The following TPH2 variants were observed in gnomAD, a reference collection of about 807,000 sequenced individuals.
TPH2 encodes the protein tryptophan hydroxylase 2.
TPH2 carries 27 observed loss-of-function variants against 59.1 expected under a neutral mutation model. The ratio of observed to expected loss-of-function variants is 0.46; its 90% confidence interval spans 0.34 to 0.63. The LOEUF (loss-of-function observed/expected upper bound fraction) is 0.63. Ranked by LOEUF, TPH2 falls within the 30% of genes least tolerant of loss-of-function variation. TPH2 has a pLI of 0.01. For missense variants in TPH2, 523 were observed against 588.3 expected (o/e 0.89, Z 1.15); for synonymous variants, 220 against 210.5 (o/e 1.05, Z -0.39).
intron 5 of TPH2, among the ~76,000 whole-genome samples, chr12:71,960,891 C>T (rs1035681020): frequency 6.6e-6 from 1 of 152,166 alleles, no homozygotes; most frequent in Non-Finnish European, 1.5e-5. Flanking sequence ...ATCTCCAGAC[C>T]TGTTTCCAAC....
chr12:71,941,161 A>G (rs1396815826), intron 1 of TPH2, among the ~76,000 whole-genome samples: 1 of 152,158 alleles, frequency 6.6e-6, no homozygotes, highest in Non-Finnish European at 1.5e-5. Flanking sequence ...TTATTTTCAA[A>G]AATATGTTTG....
intron 8 of TPH2, among the ~76,000 whole-genome samples, chr12:71,997,429 C>T (rs765987388): frequency 6.6e-6 from 1 of 152,162 alleles, no homozygotes; most frequent in Non-Finnish European, 1.5e-5. Context: ...TCTACTTTTA[C>T]ACTTTCTGGG....
intron 5 of TPH2, among the ~76,000 whole-genome samples, chr12:71,965,701 C>T (rs1336803529): frequency 6.6e-6 from 1 of 152,186 alleles, no homozygotes; most frequent in Non-Finnish European, 1.5e-5. Flanking sequence ...CTTATAGATG[C>T]TGGATATTAG....
At chr12:71,975,073 G>A (rs1355214083) in intron 6 of TPH2, among the ~76,000 whole-genome samples, 1 of 152,102 alleles carries the variant, frequency 6.6e-6, no homozygotes, top group Non-Finnish European at 1.5e-5. Context: ...ATAAAAACTG[G>A]CTAGGCACAG....
At chr12:72,019,291 C>T (rs570330713) in intron 8 of TPH2, among the ~76,000 whole-genome samples, 78 of 152,318 alleles carry the variant, frequency 5.1e-4, no homozygotes, top group African/African-American at 1.9e-3. Flanking sequence ...CCCCTACAAT[C>T]TATTTTCCAT....
intron 7 of TPH2, among the ~76,000 whole-genome samples, chr12:71,988,230 T>C (rs1872493218): frequency 6.6e-6 from 1 of 152,136 alleles, no homozygotes; most frequent in Admixed American, 6.5e-5. Flanking sequence ...ACACTGAACT[T>C]GGAGAGGTGG....
At chr12:71,978,474 G>T (rs1253737529) in intron 6 of TPH2, among the ~76,000 whole-genome samples, 1 of 152,204 alleles carries the variant, frequency 6.6e-6, no homozygotes, top group Non-Finnish European at 1.5e-5. Flanking sequence ...TAGAGTGAAG[G>T]AGTTAGCGGG....
chr12:71,993,509 G>A (rs1450104777), intron 7 of TPH2, among the ~76,000 whole-genome samples: 29 of 152,172 alleles, frequency 1.9e-4, no homozygotes, highest in Non-Finnish European at 1.6e-4. Context: ...CAATGACTCA[G>A]GAAGGCATCT....
intron 5 of TPH2, chr12:71,962,682 G>A (rs1871718995): frequency 1.0e-6 from 1 of 982,998 alleles, no homozygotes; most frequent in Non-Finnish European, 1.2e-6. Context: ...GCTTTAGGCT[G>A]ATTGATTGAT....
intron 8 of TPH2, among the ~76,000 whole-genome samples, chr12:72,009,805 A>G (rs1873052447): frequency 1.3e-5 from 2 of 152,198 alleles, no homozygotes; most frequent in African/African-American, 4.8e-5. Flanking sequence ...CACCAAGCTC[A>G]ACTATCAAGA....
intron 5 of TPH2, among the ~76,000 whole-genome samples, chr12:71,970,611 T>A (rs1010093755): frequency 6.6e-6 from 1 of 152,238 alleles, no homozygotes; most frequent in African/African-American, 2.4e-5. Context: ...CTTACCCAAC[T>A]CAAACAGATT....
At chr12:71,955,219 C>T (rs768722058) in intron 5 of TPH2, among the ~76,000 whole-genome samples, 5 of 152,196 alleles carry the variant, frequency 3.3e-5, no homozygotes, top group South Asian at 2.1e-4. Flanking sequence ...TAAAATTCAC[C>T]GATTCAAATC....
At chr12:72,003,693 A>G (rs1449197166) in intron 8 of TPH2, among the ~76,000 whole-genome samples, 1 of 152,174 alleles carries the variant, frequency 6.6e-6, no homozygotes. Context: ...TGTTGTTGCC[A>G]TTATGAGGTG....
chr12:71,989,757 A>T (rs1202920432), intron 7 of TPH2, among the ~76,000 whole-genome samples: 1 of 152,234 alleles, frequency 6.6e-6, no homozygotes, highest in East Asian at 1.9e-4. Context: ...GAACTTAACA[A>T]CCAGAACCCT....
chr12:71,948,389 T>C (rs1871254084), intron 4 of TPH2, among the ~76,000 whole-genome samples: 1 of 152,050 alleles, frequency 6.6e-6, no homozygotes. Flanking sequence ...TTCTCTCTCC[T>C]CCCCTTAGTA....
In TPH2 at chr12:71,941,682, C is replaced by T. The variant is rs1393293419; in HGVS notation, c.204C>T (p.Phe68=). 2.5e-6 allele frequency: 4 copies of T among 1,614,106 alleles called. No homozygotes were observed. The East Asian group carries it at 8.9e-5, about 36-fold the overall frequency. Residue 68 remains phenylalanine (F), a synonymous_variant, in exon 2 of 11, where the codon TTC becomes TTT. Coordinates refer to ENST00000333850, the MANE Select transcript of TPH2 (RefSeq NM_173353.4). ...AAAGTGGCAAGACAGCAGTTGTTTT[C>T]TCCTTGAAGAATGAAGTTGGTGGAT... ...ATESGKTAVV[F]SLKNEVGGLV... is the part of the protein sequence containing the mutation.
At chr12:72,010,810 TA>T (rs1873081577) in intron 8 of TPH2, among the ~76,000 whole-genome samples, 1 of 152,212 alleles carries the variant, frequency 6.6e-6, no homozygotes, top group South Asian at 2.1e-4. Context: ...AGCTGACCTT[TA>T]AAATCACCAC....
rs75626448 is a variant in TPH2 at position 72,029,129 on chromosome 12, C to T, written c.1165-2129C>T. Reference sequence around the variant, plus strand: ...CTATACATAGTGACTGCTAAGGTTGCTAATGTCTTATAGAAGCAATGGAGA... The same window carrying T: ...CTATACATAGTGACTGCTAAGGTTGTTAATGTCTTATAGAAGCAATGGAGA... On this transcript the variant is annotated intron_variant, in intron 9 of 10. Coordinates refer to ENST00000333850, the MANE Select transcript of TPH2 (RefSeq NM_173353.4). Among the ~76,000 whole-genome samples, 153 of 152,308 alleles carry T rather than the reference C, an allele frequency of 1.0e-3. 4 individuals are homozygous for T. The East Asian group carries it at 0.017, about 17-fold the overall frequency.
chr12:72,002,456 G>A lies in TPH2; in HGVS notation c.1068+7891G>A, dbSNP rs114739208. On this transcript the variant is annotated intron_variant, in intron 8 of 10. Transcript: ENST00000333850. ...GGTTTTTTATCTGACCAGGAAAAGG[G>A]TGGAAGAACCGTGGCTACATCTGAG... Among the ~76,000 whole-genome samples the A allele has an allele frequency of 7.9e-3, 1,210 of 152,300 alleles. 18 individuals are homozygous for A. The highest frequency in any genetic ancestry group is 0.028 in the African/African-American group (1,147 of 41,566).
Sources: allele counts gnomAD v4.1 joint callset (sites outside exome capture counted in the v4.1 genomes callset), GRCh38; gene constraint gnomAD v4.1.1; transcripts MANE v1.5; gene names NCBI Gene and HGNC (gene_info 2026-07-23, HGNC 2026-07-21).